PDCD11: variants seen among roughly 807,000 people sequenced by gnomAD.
PDCD11 encodes the protein programmed cell death 11, also known as protein RRP5 homolog.
In PDCD11, 97 loss-of-function variants were observed where a neutral mutation model predicts 198.9. The observed-to-expected ratio is 0.49, with a 90% CI of 0.41 to 0.58. The LOEUF (loss-of-function observed/expected upper bound fraction) is 0.58, where lower values mean the gene tolerates loss of function less well. Ranked by LOEUF, PDCD11 falls within the 20% of genes least tolerant of loss-of-function variation. The pLI is 0.00. For missense variants in PDCD11, 2,102 were observed against 2,312.7 expected (o/e 0.91, Z 1.87); for synonymous variants, 893 against 918.0 (o/e 0.97, Z 0.49).
chr10:103,410,468 G>A lies in PDCD11; in HGVS notation c.978+662G>A, dbSNP rs112506538. ...ATAAGATACGTTTAAACAGCAAAAGGTGATTTTAAAAGTTGTATAGTATAG... is the reference window on the plus strand; with the variant it reads ...ATAAGATACGTTTAAACAGCAAAAGATGATTTTAAAAGTTGTATAGTATAG... On this transcript the variant is annotated intron_variant, in intron 8 of 35. Coordinates refer to ENST00000369797, the MANE Select transcript of PDCD11 (RefSeq NM_014976.2). Among the ~76,000 whole-genome samples the A allele has an allele frequency of 1.9e-3, 284 of 152,134 alleles. 1 individual carries two copies. The highest frequency in any genetic ancestry group is 0.01 in the Middle Eastern group (3 of 294).
chr10:103,409,590 GA>G, intron 7 of PDCD11, 108 bp from the exon 8 acceptor site: 1 of 719,016 alleles, frequency 1.4e-6, no homozygotes, highest in South Asian at 1.6e-5. Flanking sequence ...GGAGAGGAGA[GA>G]TACACAGTTA....
chr10:103,402,935 G>A (rs2030202691), intron 3 of PDCD11, among the ~76,000 whole-genome samples, 183 bp from the exon 4 acceptor site: 1 of 152,070 alleles, frequency 6.6e-6, no homozygotes, highest in Admixed American at 6.6e-5. Context: ...TGCCCAGGCT[G>A]GTCTGAAACT....
intron 3 of PDCD11, among the ~76,000 whole-genome samples, chr10:103,401,313 C>T (rs756135965): frequency 6.6e-6 from 1 of 151,978 alleles, no homozygotes; most frequent in Admixed American, 6.6e-5. Flanking sequence ...CTCTCTGTTG[C>T]GCAGTCTGGA....
intron 25 of PDCD11, among the ~76,000 whole-genome samples, chr10:103,435,873 AATT>A (rs1228556534): frequency 2.0e-5 from 3 of 152,106 alleles, no homozygotes; most frequent in Non-Finnish European, 4.4e-5. Flanking sequence ...CTAGAAGTGA[AATT>A]GATGGGTTAC....
At chr10:103,418,985 CTT>C (rs111594350) in intron 15 of PDCD11, among the ~76,000 whole-genome samples, 1 of 147,546 alleles carries the variant, frequency 6.8e-6, no homozygotes, top group African/African-American at 2.5e-5. Context: ...CCCCTTTCCT[CTT>C]TTTTTTTTTC....
At chr10:103,440,702 G>A in intron 29 of PDCD11, 32 bp from the exon 30 acceptor site, 1 of 1,613,766 alleles carries the variant, frequency 6.2e-7, no homozygotes, top group Non-Finnish European at 8.5e-7. Flanking sequence ...GCAGGAGGAT[G>A]CTCCTAGGCA....
At position 103,400,390 on chromosome 10, in the gene PDCD11, C is replaced by T. The variant is rs201576034; in HGVS notation, c.103-7C>T. On this transcript the variant is annotated splice_polypyrimidine_tract_variant and splice_region_variant and intron_variant, in intron 2 of 35. Transcript: ENST00000369797. ...GGTCTTTGTGGGCTCCCCCTACCCG[C>T]TTCTAGATTTCTACTGAAGAGGGAT... 6.2e-7 allele frequency: 1 copy of T among 1,608,980 alleles called. No homozygotes were observed. Among genetic ancestry groups the T allele is most frequent in the East Asian group, 2.2e-5 (1 of 44,844 alleles).
intron 25 of PDCD11, 70 bp from the exon 26 acceptor site, chr10:103,437,945 G>A: frequency 8.0e-7 from 1 of 1,245,016 alleles, no homozygotes; most frequent in Non-Finnish European, 1.2e-6. Context: ...TGGAGGAGAG[G>A]AAGCTGAGAC....
chr10:103,398,218 C>G (rs1443511734), intron 1 of PDCD11, among the ~76,000 whole-genome samples, 198 bp from the exon 2 acceptor site: 1 of 152,182 alleles, frequency 6.6e-6, no homozygotes, highest in East Asian at 1.9e-4. Context: ...GGTGGGTGGA[C>G]TTGTGGTTTT....
chr10:103,443,427 G>T, intron 33 of PDCD11, 94 bp downstream of exon 33: 1 of 1,155,264 alleles, frequency 8.7e-7, no homozygotes, highest in South Asian at 1.7e-5. Flanking sequence ...CCTGCTGTGA[G>T]CTTGCCACCC....
intron 33 of PDCD11, 131 bp from the exon 34 acceptor site, chr10:103,443,784 T>C: frequency 1.1e-6 from 1 of 887,860 alleles, no homozygotes; most frequent in Non-Finnish European, 1.8e-6. Context: ...CTCAGGTCTC[T>C]AGCATTAGGC....
rs751795167 is a variant in PDCD11 at position 103,400,426 on chromosome 10, A to G, written c.132A>G (p.Arg44=). The change falls in exon 3 of 36, where the codon AGA becomes AGG. Residue 44 remains arginine, a synonymous_variant. Transcript: ENST00000369797. The stretch of plus-strand genomic sequence containing the variant: ...CTACTGAAGAGGGATCCACCAAAAG[A>G]AAAAAGAGCCAGAAGGGGCCAGCAA... The part of the protein sequence containing the change: ...DISTEEGSTK[R]KKSQKGPAKT... 4 of 1,613,674 alleles carry G rather than the reference A, an allele frequency of 2.5e-6. No individual in the cohort carries two copies. Among genetic ancestry groups the G allele is most frequent in the Non-Finnish European group, 2.5e-6 (3 of 1,179,920 alleles).
chr10:103,406,154 T>C (rs1249235199), intron 6 of PDCD11, 46 bp downstream of exon 6: 13 of 1,598,450 alleles, frequency 8.1e-6, no homozygotes, highest in East Asian at 2.2e-5. Context: ...AGGTGGTACA[T>C]GTGGGGATTA....
chr10:103,416,891 G>A (rs911803222), intron 13 of PDCD11, 149 bp downstream of exon 13: 10 of 896,210 alleles, frequency 1.1e-5, no homozygotes, highest in South Asian at 1.6e-5. Flanking sequence ...TGGAGGAGAC[G>A]GGGAACAGAA....
rs1233721212 is a variant in PDCD11, at chr10:103,406,131, G to A, written c.688+23G>A. On this transcript the variant is annotated intron_variant, in intron 6 of 35. Coordinates refer to ENST00000369797, the MANE Select transcript of PDCD11 (RefSeq NM_014976.2). ...AAGGTGAGGGCAAGAAAAGGGGCCA[G>A]TACATGGTGGTGAGGTGGTACATGT... The A allele has an allele frequency of 1.9e-6, 3 of 1,612,336 alleles. No homozygotes were observed. The Admixed American group carries it at 5.0e-5, about 27-fold the overall frequency.
At chr10:103,400,215 C>CA (rs1472460304) in intron 2 of PDCD11, among the ~76,000 whole-genome samples, 182 bp from the exon 3 acceptor site, 3 of 141,172 alleles carry the variant, frequency 2.1e-5, no homozygotes, top group Non-Finnish European at 4.6e-5. Context: ...GGAACATTGG[C>CA]GGCCCCCCCC....
chr10:103,431,046 C>T (rs1461098693), intron 21 of PDCD11, among the ~76,000 whole-genome samples: 5 of 151,972 alleles, frequency 3.3e-5, no homozygotes, highest in East Asian at 1.9e-4. Context: ...GTGATCCACC[C>T]GCCTTGGCCT....
At chr10:103,417,179 CT>C (rs112206729) in intron 13 of PDCD11, among the ~76,000 whole-genome samples, 70 of 146,476 alleles carry the variant, frequency 4.8e-4, no homozygotes, top group Middle Eastern at 3.5e-3. Flanking sequence ...TTTTCTTTTC[CT>C]TTTTTTTTTT....
rs552466648 is a variant in PDCD11, at chr10:103,402,384, ATG to A, written c.235-730_235-729del. Among the ~76,000 whole-genome samples, 50 of 152,142 alleles carry A rather than the reference ATG, an allele frequency of 3.3e-4. 1 individual carries two copies. The East Asian group carries it at 9.3e-3, about 28-fold the overall frequency. On this transcript the variant is annotated intron_variant, in intron 3 of 35. Transcript: ENST00000369797. ...TTGAGAAGTTCACTGATATGTACACATGTGTATTTCTTTTCATTTATAAAATT... is the reference window on the plus strand; with the variant it reads ...TTGAGAAGTTCACTGATATGTACACATGTATTTCTTTTCATTTATAAAATT...
Sources: allele counts gnomAD v4.1 joint callset (sites outside exome capture counted in the v4.1 genomes callset), GRCh38; gene constraint gnomAD v4.1.1; transcripts MANE v1.5; gene names NCBI Gene and HGNC (gene_info 2026-07-23, HGNC 2026-07-21).